NOS1AP: variants seen among roughly 807,000 people sequenced by gnomAD.
NOS1AP encodes the protein carboxyl-terminal PDZ ligand of neuronal nitric oxide synthase protein.
A neutral mutation model predicts 56.2 loss-of-function variants in NOS1AP; 21 were observed. The observed-to-expected ratio is 0.37, with a 90% confidence interval of 0.26 to 0.54. NOS1AP has a LOEUF of 0.54. Ranked by LOEUF, NOS1AP falls within the 20% of genes least tolerant of loss-of-function variation. NOS1AP has a pLI of 0.84. For missense variants in NOS1AP, 522 were observed against 657.8 expected, an observed-to-expected ratio of 0.79 and a Z score of 2.26; for synonymous variants, 270 against 274.6, an observed-to-expected ratio of 0.98 and a Z score of 0.17.
chr1:162,261,539 A>AGAGAAGAGAG, intron 2 of NOS1AP, among the ~76,000 whole-genome samples: 561 of 16,894 alleles, frequency 0.033, 221 homozygotes, highest in Middle Eastern at 0.1. Context: ...AGAGAGAGAG[A>AGAGAAGAGAG]GAGAGAGCAA....
At chr1:162,181,392 T>C (rs114553022) in intron 2 of NOS1AP, among the ~76,000 whole-genome samples, 93 of 152,328 alleles carry the variant, frequency 6.1e-4, no homozygotes, top group African/African-American at 2.2e-3. Context: ...GGAAAAAAAT[T>C]ACAACAATAA....
chr1:162,221,914 CTT>C (rs1652794705), intron 2 of NOS1AP, among the ~76,000 whole-genome samples: 1 of 152,086 alleles, frequency 6.6e-6, no homozygotes, highest in Non-Finnish European at 1.5e-5. Flanking sequence ...TACTCCATTT[CTT>C]TTTAATGGCC....
chr1:162,145,889 G>A (rs892513115), intron 1 of NOS1AP, among the ~76,000 whole-genome samples: 1 of 152,204 alleles, frequency 6.6e-6, no homozygotes, highest in Non-Finnish European at 1.5e-5. Context: ...GGACCCCCAA[G>A]GGAGAGAGTT....
intron 2 of NOS1AP, among the ~76,000 whole-genome samples, chr1:162,214,336 A>G (rs1652473501): frequency 1.3e-5 from 2 of 152,168 alleles, no homozygotes; most frequent in South Asian, 2.1e-4. Context: ...GCCCAGCACT[A>G]TGCTGCGTGC....
At chr1:162,101,220 C>T (rs1182939885) in intron 1 of NOS1AP, among the ~76,000 whole-genome samples, 1 of 152,064 alleles carries the variant, frequency 6.6e-6, no homozygotes, top group African/African-American at 2.4e-5. Flanking sequence ...TTGTTTTTGT[C>T]AGGTTTGTTG....
intron 2 of NOS1AP, among the ~76,000 whole-genome samples, chr1:162,155,245 TATACAC>T (rs1293183843): frequency 3.8e-4 from 32 of 83,660 alleles, no homozygotes; most frequent in Non-Finnish European, 7.6e-4. Flanking sequence ...TACATATACA[TATACAC>T]ATACATATAT....
chr1:162,366,339 G>C (rs1367491561), intron 9 of NOS1AP, among the ~76,000 whole-genome samples: 1 of 152,152 alleles, frequency 6.6e-6, no homozygotes, highest in Non-Finnish European at 1.5e-5. Flanking sequence ...CTGTAGTTCT[G>C]CTGCAGAAAA....
chr1:162,362,254 C>T (rs1480087621), intron 8 of NOS1AP, among the ~76,000 whole-genome samples: 2 of 152,152 alleles, frequency 1.3e-5, no homozygotes, highest in Non-Finnish European at 2.9e-5. Flanking sequence ...AGTTTGAGAC[C>T]AGCCCGGCCA....
intron 2 of NOS1AP, among the ~76,000 whole-genome samples, chr1:162,169,782 G>T (rs1336726148): frequency 6.6e-6 from 1 of 152,172 alleles, no homozygotes; most frequent in Non-Finnish European, 1.5e-5. Flanking sequence ...TCAGCGGGCG[G>T]TCAGGGGCCT....
chr1:162,198,436 A>G (rs1651878368), intron 2 of NOS1AP, among the ~76,000 whole-genome samples: 1 of 152,138 alleles, frequency 6.6e-6, no homozygotes. Flanking sequence ...GGCAAGATTC[A>G]ATCCCTTGTG....
At chr1:162,357,158 A>G in intron 8 of NOS1AP, 22 bp downstream of exon 8, 2 of 1,599,284 alleles carry the variant, frequency 1.3e-6, no homozygotes, top group Non-Finnish European at 1.7e-6. Flanking sequence ...CCTCCTCCCT[A>G]CTTCGCAGGC....
intron 6 of NOS1AP, among the ~76,000 whole-genome samples, chr1:162,348,253 A>C (rs1365466791): frequency 1.3e-5 from 2 of 152,206 alleles, no homozygotes; most frequent in South Asian, 2.1e-4. Flanking sequence ...GATTAAGTAG[A>C]GATTTCAACT....
chr1:162,302,470 T>C (rs1393551697), intron 4 of NOS1AP, among the ~76,000 whole-genome samples: 1 of 152,198 alleles, frequency 6.6e-6, no homozygotes, highest in Non-Finnish European at 1.5e-5. Flanking sequence ...ACCTATGATA[T>C]GCATTTTGTA....
intron 1 of NOS1AP, among the ~76,000 whole-genome samples, chr1:162,071,562 C>T (rs551101777): frequency 8.5e-5 from 13 of 152,266 alleles, no homozygotes; most frequent in African/African-American, 3.1e-4. Context: ...AGAACTGCCC[C>T]GCTTAGTCCC....
At chr1:162,099,817 G>A (rs1692338840) in intron 1 of NOS1AP, among the ~76,000 whole-genome samples, 1 of 151,332 alleles carries the variant, frequency 6.6e-6, no homozygotes, top group Non-Finnish European at 1.5e-5. Context: ...GATGTGTGAT[G>A]TTCCCCTTCC....
intron 4 of NOS1AP, among the ~76,000 whole-genome samples, chr1:162,308,226 G>T (rs1655906263): frequency 6.6e-6 from 1 of 152,240 alleles, no homozygotes; most frequent in Non-Finnish European, 1.5e-5. Flanking sequence ...TCACCAGATT[G>T]CCTATGTCAG....
In NOS1AP at chr1:162,151,037, G is replaced by A. The variant is rs138740745; in HGVS notation, c.106-3368G>A. ...GGTATTACTCAAGAAATCTTTGCCCGGTCCAATGTCCTGGAGAGTTTCCCC... is the reference window on the plus strand; with the variant it reads ...GGTATTACTCAAGAAATCTTTGCCCAGTCCAATGTCCTGGAGAGTTTCCCC... On this transcript the variant is annotated intron_variant, in intron 1 of 9. Transcript: ENST00000361897. Among the ~76,000 whole-genome samples, 38 of 152,228 alleles carry A rather than the reference G, an allele frequency of 2.5e-4. 3 individuals carry two copies. Among genetic ancestry groups the A allele is most frequent in the African/African-American group, 8.2e-4 (34 of 41,540 alleles).
chr1:162,231,065 A>G (rs575718377), intron 2 of NOS1AP, among the ~76,000 whole-genome samples: 9 of 151,558 alleles, frequency 5.9e-5, no homozygotes, highest in East Asian at 1.9e-4. Context: ...AGAAACCACT[A>G]TTTTCCATAG....
chr1:162,269,813 G>C (rs1016712250), intron 2 of NOS1AP, among the ~76,000 whole-genome samples: 2 of 151,746 alleles, frequency 1.3e-5, no homozygotes, highest in Non-Finnish European at 2.9e-5. Context: ...TAATTTACGT[G>C]TAGTTCACTC....
Sources: gnomAD v4.1 joint callset for allele counts (sites outside exome capture counted in the v4.1 genomes callset) on GRCh38, gnomAD v4.1.1 for gene constraint, MANE v1.5 for transcripts, NCBI Gene and HGNC (gene_info 2026-07-23, HGNC 2026-07-21) for gene names.